Variants in PLB1 observed in about 807,000 individuals in gnomAD.
PLB1 encodes the protein phospholipase B1, membrane-associated.
A neutral mutation model predicts 227.4 loss-of-function variants in PLB1; 242 were observed. The ratio of observed to expected loss-of-function variants is 1.06; its 90% confidence interval spans 0.96 to 1.18. PLB1 has a LOEUF of 1.18. Ranked by LOEUF, PLB1 falls within the 50% of genes most tolerant of loss-of-function variation. The pLI, the probability that PLB1 is intolerant of heterozygous loss-of-function variation, is 0.00. For missense variants in PLB1, 1,858 were observed against 1,816.3 expected (o/e 1.02, Z -0.42); for synonymous variants, 757 against 682.2 (o/e 1.11, Z -1.71).
chr2:28,605,075 G>A (rs1020967105), intron 41 of PLB1, among the ~76,000 whole-genome samples: 4 of 152,208 alleles, frequency 2.6e-5, no homozygotes, highest in Admixed American at 2.0e-4. Flanking sequence ...GATGTGAAGC[G>A]TCCTTCCTAA....
intron 20 of PLB1, among the ~76,000 whole-genome samples, chr2:28,571,714 T>C (rs776909183): frequency 7.9e-5 from 12 of 152,116 alleles, no homozygotes; most frequent in African/African-American, 1.4e-4. Context: ...TTCAATAAAC[T>C]GTGCTGAGAC....
intron 50 of PLB1, among the ~76,000 whole-genome samples, chr2:28,626,076 G>A (rs1433430727): frequency 6.6e-6 from 1 of 151,346 alleles, no homozygotes; most frequent in African/African-American, 2.4e-5. Flanking sequence ...GCTCACTGCA[G>A]CATCTGCCTC....
Position 28,573,270 on chromosome 2 carries a change from C to T in PLB1, c.1398C>T (p.Ala466=), listed in dbSNP as rs754347607. ...VGTGKETSPN[A]FLNQAVAGGR... is the part of the protein sequence containing the mutation. Reference sequence around the variant, plus strand: ...CTGGGAAAGAAACCAGTCCTAATGCCTTCTTAAACCAGGCTGTGGCAGGAG... The same window carrying T: ...CTGGGAAAGAAACCAGTCCTAATGCTTTCTTAAACCAGGCTGTGGCAGGAG... The change falls in exon 21 of 58, where the codon GCC becomes GCT. Residue 466 remains alanine (A), a synonymous_variant. Coordinates refer to ENST00000327757, the MANE Select transcript of PLB1 (RefSeq NM_153021.5). 10 of 1,614,046 alleles carry T rather than the reference C, an allele frequency of 6.2e-6. No homozygotes were observed. The highest frequency in any genetic ancestry group is 8.5e-6 in the Non-Finnish European group (10 of 1,179,986).
chr2:28,592,838 T>A (rs549143076), intron 32 of PLB1, 119 bp downstream of exon 32: 2 of 879,392 alleles, frequency 2.3e-6, no homozygotes, highest in East Asian at 2.6e-5. Context: ...TCTACCTGGC[T>A]CTGTCAATCC....
At chr2:28,589,654 C>CT (rs1553444464) in intron 27 of PLB1, 21 bp from the exon 28 acceptor site, 13 of 1,613,252 alleles carry the variant, frequency 8.1e-6, no homozygotes, top group Non-Finnish European at 1.1e-5. Flanking sequence ...AACTGCCTCT[C>CT]TTTTTCTGCC....
chr2:28,626,968 T>A (rs1191263439), intron 51 of PLB1, among the ~76,000 whole-genome samples: 1 of 152,156 alleles, frequency 6.6e-6, no homozygotes, highest in Non-Finnish European at 1.5e-5. Context: ...GATGTTTCCA[T>A]GGGGAAATAT....
chr2:28,548,666 G>C (rs1449110221), intron 14 of PLB1, 194 bp from the exon 15 acceptor site: 18 of 646,180 alleles, frequency 2.8e-5, no homozygotes, highest in Non-Finnish European at 2.9e-6. Flanking sequence ...CGCCTGGAGA[G>C]CTGCTTACAA....
intron 9 of PLB1, among the ~76,000 whole-genome samples, chr2:28,532,995 T>G (rs953754017): frequency 6.6e-6 from 1 of 152,222 alleles, no homozygotes; most frequent in African/African-American, 2.4e-5. Flanking sequence ...CCTGGACTCT[T>G]CTTCAGGATC....
chr2:28,592,871 T>C (rs556205415), intron 32 of PLB1, 152 bp downstream of exon 32: 1 of 654,482 alleles, frequency 1.5e-6, no homozygotes, highest in East Asian at 3.0e-5. Context: ...GTTATTTGAT[T>C]TGCGGCCACT....
chr2:28,534,100 A>G (rs562783153), intron 9 of PLB1, among the ~76,000 whole-genome samples: 1 of 152,280 alleles, frequency 6.6e-6, no homozygotes, highest in South Asian at 2.1e-4. Context: ...TGTACTACTG[A>G]ACAGTTTTTT....
chr2:28,518,569 C>T (rs766074735), intron 3 of PLB1, 37 bp downstream of exon 3: 12 of 1,528,682 alleles, frequency 7.8e-6, no homozygotes, highest in Admixed American at 3.3e-5. Flanking sequence ...AAAAGCCTGG[C>T]GTTTTCTCTC....
At chr2:28,509,597 C>T (rs894035101) in intron 1 of PLB1, among the ~76,000 whole-genome samples, 1 of 152,202 alleles carries the variant, frequency 6.6e-6, no homozygotes, top group Admixed American at 6.5e-5. Context: ...TGATCTCGGC[C>T]AAACCTGTTT....
intron 9 of PLB1, among the ~76,000 whole-genome samples, chr2:28,537,863 T>C (rs1233579751): frequency 2.0e-5 from 3 of 152,060 alleles, no homozygotes; most frequent in African/African-American, 4.8e-5. Context: ...GAAAAGCTAA[T>C]AAAATAGGAT....
At chr2:28,598,796 A>G in intron 35 of PLB1, 36 bp downstream of exon 35, 1 of 1,529,434 alleles carries the variant, frequency 6.5e-7, no homozygotes, top group Non-Finnish European at 9.1e-7. Context: ...CCTGCAGAGC[A>G]GGGAGTGGAA....
At chr2:28,592,539 A>C in intron 31 of PLB1, 122 bp from the exon 32 acceptor site, 1 of 962,778 alleles carries the variant, frequency 1.0e-6, no homozygotes, top group Non-Finnish European at 1.7e-6. Flanking sequence ...GTGCACACCC[A>C]GCCCTGCATG....
chr2:28,589,582 T>G, intron 27 of PLB1, 28 bp downstream of exon 27: 1 of 1,611,904 alleles, frequency 6.2e-7, no homozygotes, highest in Admixed American at 1.7e-5. Context: ...CGTAGAAAAA[T>G]AGAATCCACA....
intron 14 of PLB1, 176 bp from the exon 15 acceptor site, chr2:28,548,684 T>G: frequency 1.4e-5 from 9 of 664,402 alleles, no homozygotes; most frequent in Non-Finnish European, 2.5e-5. Flanking sequence ...CAACACAGAC[T>G]GCTGCCCCAG....
At chr2:28,600,748 C>G in intron 35 of PLB1, 61 bp from the exon 36 acceptor site, 1 of 1,544,240 alleles carries the variant, frequency 6.5e-7, no homozygotes, top group East Asian at 2.2e-5. Context: ...TTCAGGCCCT[C>G]TAGGAGGAAA....
intron 16 of PLB1, 124 bp from the exon 17 acceptor site, chr2:28,552,804 C>T: frequency 1.3e-6 from 1 of 768,204 alleles, no homozygotes; most frequent in South Asian, 1.6e-5. Context: ...AGGGAGAAAT[C>T]TTAAATGACA....
Sources: gnomAD v4.1 joint callset for allele counts (sites outside exome capture counted in the v4.1 genomes callset) on GRCh38, gnomAD v4.1.1 for gene constraint, MANE v1.5 for transcripts, NCBI Gene and HGNC (gene_info 2026-07-23, HGNC 2026-07-21) for gene names.